The following SPOCK1 variants were observed in gnomAD, a reference collection of about 807,000 sequenced individuals.
SPOCK1 encodes the protein SPARC (osteonectin), cwcv and kazal like domains proteoglycan 1, also known as testican-1.
In SPOCK1, 23 loss-of-function variants were observed where a neutral mutation model predicts 55.3. The observed-to-expected ratio is 0.42, with a 90% CI of 0.30 to 0.59. The LOEUF (loss-of-function observed/expected upper bound fraction) is 0.59, where lower values mean the gene tolerates loss of function less well. SPOCK1 is among the 20% of genes least tolerant of loss of function. The pLI is 0.22. For synonymous variants in SPOCK1, 226 were observed against 221.0 expected (o/e 1.02, Z -0.20); for missense variants, 499 against 552.5 (o/e 0.90, Z 0.97).
chr5:137,256,647 G>C (rs1172850172), intron 3 of SPOCK1, among the ~76,000 whole-genome samples: 1 of 152,114 alleles, frequency 6.6e-6, no homozygotes, highest in Non-Finnish European at 1.5e-5. Context: ...TGCTTGTGGG[G>C]GGAACACATT....
intron 2 of SPOCK1, among the ~76,000 whole-genome samples, chr5:137,433,661 A>G (rs1240074278): frequency 6.6e-6 from 1 of 152,186 alleles, no homozygotes; most frequent in Non-Finnish European, 1.5e-5. Context: ...GATGGACACC[A>G]CAGGCCAGTC....
chr5:137,496,050 T>C (rs1193589410), intron 2 of SPOCK1, among the ~76,000 whole-genome samples: 2 of 152,098 alleles, frequency 1.3e-5, no homozygotes, highest in Admixed American at 1.3e-4. Flanking sequence ...CAAAAAAAAA[T>C]AGTGTATTGG....
chr5:137,408,836 C>G (rs1489998501), intron 2 of SPOCK1, among the ~76,000 whole-genome samples: 1 of 152,224 alleles, frequency 6.6e-6, no homozygotes, highest in East Asian at 1.9e-4. Context: ...CACTTACTAG[C>G]TGCATGGCCT....
At chr5:137,270,781 T>A (rs781139753) in intron 2 of SPOCK1, among the ~76,000 whole-genome samples, 1 of 152,048 alleles carries the variant, frequency 6.6e-6, no homozygotes, top group Non-Finnish European at 1.5e-5. Context: ...GGTGGGTGGA[T>A]CACCTGACGT....
intron 3 of SPOCK1, among the ~76,000 whole-genome samples, chr5:137,218,569 A>G (rs973875548): frequency 2.6e-5 from 4 of 152,272 alleles, no homozygotes; most frequent in African/African-American, 9.6e-5. Flanking sequence ...GCAAAAGAAC[A>G]ACAATGCCAC....
intron 6 of SPOCK1, among the ~76,000 whole-genome samples, chr5:137,013,040 G>A (rs934984461): frequency 6.6e-6 from 1 of 152,158 alleles, no homozygotes; most frequent in Non-Finnish European, 1.5e-5. Flanking sequence ...GTGGATGTGT[G>A]GAGTGAGTTG....
chr5:137,082,410 A>T (rs1752890358), intron 5 of SPOCK1, among the ~76,000 whole-genome samples: 1 of 152,212 alleles, frequency 6.6e-6, no homozygotes, highest in Non-Finnish European at 1.5e-5. Context: ...AAGCCTAACC[A>T]GGTGGGTGGG....
intron 4 of SPOCK1, among the ~76,000 whole-genome samples, chr5:137,123,269 T>C (rs969312719): frequency 2.0e-5 from 3 of 152,138 alleles, no homozygotes; most frequent in Non-Finnish European, 2.9e-5. Context: ...ATTTTCTGGA[T>C]TGGTAGTCAA....
At chr5:137,312,448 C>G (rs1373146155) in intron 2 of SPOCK1, among the ~76,000 whole-genome samples, 2 of 152,196 alleles carry the variant, frequency 1.3e-5, no homozygotes, top group Non-Finnish European at 2.9e-5. Context: ...TCAGGAAAAC[C>G]ATGCCATAAA....
intron 2 of SPOCK1, among the ~76,000 whole-genome samples, chr5:137,377,931 A>T (rs571132330): frequency 6.7e-6 from 1 of 148,718 alleles, no homozygotes; most frequent in East Asian, 2.0e-4. Flanking sequence ...ATGCAATACA[A>T]TCACTTCTTC....
chr5:137,021,708 T>C (rs1751577164), intron 6 of SPOCK1, among the ~76,000 whole-genome samples: 1 of 152,204 alleles, frequency 6.6e-6, no homozygotes, highest in African/African-American at 2.4e-5. Context: ...GGAATGCAGT[T>C]ATTCTACAAA....
chr5:137,004,761 C>A (rs1435815946), intron 6 of SPOCK1, among the ~76,000 whole-genome samples: 1 of 152,008 alleles, frequency 6.6e-6, no homozygotes, highest in Non-Finnish European at 1.5e-5. Context: ...TTGAACAGTA[C>A]AACAGAAGCC....
At chr5:137,301,746 C>A (rs568436468) in intron 2 of SPOCK1, among the ~76,000 whole-genome samples, 1 of 147,634 alleles carries the variant, frequency 6.8e-6, no homozygotes, top group South Asian at 2.2e-4. Flanking sequence ...CAAGGTGATT[C>A]CATGCCTTAC....
At chr5:137,337,566 A>G (rs1750307915) in intron 2 of SPOCK1, among the ~76,000 whole-genome samples, 1 of 152,178 alleles carries the variant, frequency 6.6e-6, no homozygotes, top group Admixed American at 6.5e-5. Flanking sequence ...GACTAAAGAC[A>G]CCTAATAACT....
intron 2 of SPOCK1, among the ~76,000 whole-genome samples, chr5:137,336,752 C>A (rs1750289308): frequency 6.6e-6 from 1 of 152,170 alleles, no homozygotes; most frequent in East Asian, 1.9e-4. Context: ...GGATAAAGAA[C>A]CTACAAAATA....
intron 2 of SPOCK1, among the ~76,000 whole-genome samples, chr5:137,376,157 C>T (rs1053169123): frequency 6.6e-6 from 1 of 152,198 alleles, no homozygotes; most frequent in Non-Finnish European, 1.5e-5. Context: ...TAATTATTTC[C>T]AGGTCTGGGG....
chr5:137,121,400 A>G (rs971402890), intron 4 of SPOCK1, among the ~76,000 whole-genome samples: 1 of 152,032 alleles, frequency 6.6e-6, no homozygotes, highest in African/African-American at 2.4e-5. Context: ...GCCAGGCTAT[A>G]TTTAAATATG....
intron 2 of SPOCK1, among the ~76,000 whole-genome samples, chr5:137,496,437 A>G (rs931780903): frequency 1.2e-4 from 18 of 152,246 alleles, no homozygotes; most frequent in African/African-American, 3.6e-4. Context: ...ATGAAAGCAC[A>G]GTAAACCTTT....
At chr5:137,419,610 A>G (rs1405748816) in intron 2 of SPOCK1, among the ~76,000 whole-genome samples, 2 of 152,060 alleles carry the variant, frequency 1.3e-5, no homozygotes, top group Non-Finnish European at 2.9e-5. Context: ...TTTGTCTGTT[A>G]TTGGTGTATA....
Sources: gnomAD v4.1 joint callset for allele counts (sites outside exome capture counted in the v4.1 genomes callset) on GRCh38, gnomAD v4.1.1 for gene constraint, MANE v1.5 for transcripts, NCBI Gene and HGNC (gene_info 2026-07-23, HGNC 2026-07-21) for gene names.